DPY19L1: variants seen among roughly 807,000 people sequenced by gnomAD.
The protein encoded by DPY19L1 is protein C-mannosyl-transferase DPY19L1.
A neutral mutation model predicts 96.9 loss-of-function variants in DPY19L1; 35 were observed. The ratio of observed to expected loss-of-function variants is 0.36; its 90% confidence interval spans 0.28 to 0.48. The LOEUF (loss-of-function observed/expected upper bound fraction) is 0.48, where lower values mean the gene tolerates loss of function less well. Ranked by LOEUF, DPY19L1 falls within the 20% of genes least tolerant of loss-of-function variation. The pLI, the probability that DPY19L1 is intolerant of heterozygous loss-of-function variation, is 0.99. For synonymous variants in DPY19L1, 205 were observed against 252.6 expected (o/e 0.81, Z 1.79); for missense variants, 521 against 777.9 (o/e 0.67, Z 3.93).
At chr7:34,987,269 C>T (rs1427796980) in intron 7 of DPY19L1, among the ~76,000 whole-genome samples, 8 of 152,014 alleles carry the variant, frequency 5.3e-5, no homozygotes, top group Non-Finnish European at 1.0e-4. Flanking sequence ...TCAATGAAAA[C>T]ATCTGCATAG....
intron 1 of DPY19L1, among the ~76,000 whole-genome samples, chr7:35,025,687 AGGTCC>A (rs1786103879): frequency 1.3e-5 from 2 of 152,208 alleles, no homozygotes. Flanking sequence ...TATTTACTGA[AGGTCC>A]ACTCATTATA....
chr7:35,032,352 T>G (rs1786279917), intron 1 of DPY19L1, among the ~76,000 whole-genome samples: 2 of 152,226 alleles, frequency 1.3e-5, no homozygotes, highest in South Asian at 4.1e-4. Context: ...TCTTTGTGCC[T>G]CAGATTCCCC....
chr7:34,969,485 T>A lies in DPY19L1; in HGVS notation c.962A>T (p.Asn321Ile). 6.3e-7 allele frequency: 1 copy of A among 1,578,580 alleles called. No homozygotes were observed. The highest frequency in any genetic ancestry group is 8.6e-7 in the Non-Finnish European group (1 of 1,164,032). ...CTGCCAAGGAAGCATGAAAAATACA[T>A]TGGAAATGCAGAGTGCAATCAAGCT... ...RGSLIALCIS[N>I]VFFMLPWQFA... Residue 321 changes from asparagine to isoleucine, a missense_variant, in exon 9 of 22, where the codon AAT becomes ATT. Physicochemically the swap from Asn to Ile is moderately radical, Grantham distance 149 (BLOSUM62 -3). Transcript: ENST00000638088.
chr7:34,936,666 T>C (rs1363193772), intron 21 of DPY19L1, among the ~76,000 whole-genome samples: 1 of 152,230 alleles, frequency 6.6e-6, no homozygotes, highest in Non-Finnish European at 1.5e-5. Context: ...CATATACATA[T>C]TCACAAACGC....
chr7:35,012,916 T>A (rs1278312641), intron 4 of DPY19L1, among the ~76,000 whole-genome samples: 1 of 150,928 alleles, frequency 6.6e-6, no homozygotes, highest in Non-Finnish European at 1.5e-5. Context: ...TGTATATATG[T>A]ATGTGTGTTA....
At position 34,929,896 on chromosome 7, in the gene DPY19L1, T is replaced by C. The variant is rs1413677521; in HGVS notation, c.*1677A>G. Reference sequence around the variant, plus strand: ...CGCTGCCAGAGTCCCTCTCCTGGGCTGCCTCCAGGGAAGGAGCATCCCTGG... The same window carrying C: ...CGCTGCCAGAGTCCCTCTCCTGGGCCGCCTCCAGGGAAGGAGCATCCCTGG... On this transcript the variant is annotated 3_prime_UTR_variant, in exon 22 of 22. Coordinates refer to ENST00000638088, the MANE Select transcript of DPY19L1 (RefSeq NM_001366673.1). 1 of 152,270 alleles carries C rather than the reference T, an allele frequency of 6.6e-6. No homozygotes were observed. Among genetic ancestry groups the C allele is most frequent in the African/African-American group, 2.4e-5 (1 of 41,466 alleles). The allele number at this position is 152,270 out of a possible 1,614,324, so 9.4% of individuals were successfully genotyped here.
At chr7:34,984,170 T>G (rs1003450396) in intron 7 of DPY19L1, among the ~76,000 whole-genome samples, 5 of 152,210 alleles carry the variant, frequency 3.3e-5, no homozygotes, top group African/African-American at 1.2e-4. Flanking sequence ...TTGGCAGATC[T>G]TTATCACAAT....
Position 34,966,448 on chromosome 7 carries a change from T to A in DPY19L1, c.1092+446A>T, listed in dbSNP as rs145384338. ...AAGTAGCTAGTACTACAGGCATGCA[T>A]CACCATGCTAAAATTTTTTATTTTG... On this transcript the variant is annotated intron_variant, in intron 10 of 21. Coordinates refer to ENST00000638088, the MANE Select transcript of DPY19L1 (RefSeq NM_001366673.1). Among the ~76,000 whole-genome samples, 599 of 152,106 alleles carry A rather than the reference T, an allele frequency of 3.9e-3. 4 individuals carry two copies. The highest frequency in any genetic ancestry group is 0.019 in the South Asian group (91 of 4,820).
chr7:35,006,814 T>C (rs1398295736), intron 6 of DPY19L1, among the ~76,000 whole-genome samples: 1 of 152,194 alleles, frequency 6.6e-6, no homozygotes, highest in East Asian at 1.9e-4. Context: ...CGAAATGGAC[T>C]GGCTTACCTG....
intron 6 of DPY19L1, among the ~76,000 whole-genome samples, chr7:35,004,130 C>CA (rs1416690799): frequency 2.0e-5 from 3 of 152,176 alleles, no homozygotes; most frequent in Non-Finnish European, 4.4e-5. Flanking sequence ...TATACCATTA[C>CA]AGTAAATGAT....
intron 4 of DPY19L1, among the ~76,000 whole-genome samples, chr7:35,013,334 GT>G (rs1785760220): frequency 1.3e-5 from 2 of 152,086 alleles, no homozygotes. Flanking sequence ...ACCAAATCTA[GT>G]TTTTATATTT....
chr7:34,971,862 C>A (rs1784730924), intron 8 of DPY19L1, among the ~76,000 whole-genome samples: 2 of 152,158 alleles, frequency 1.3e-5, no homozygotes, highest in Admixed American at 1.3e-4. Flanking sequence ...GTCCTAATCC[C>A]TGGAACCTGT....
chr7:34,955,412 G>A (rs1271184108), intron 11 of DPY19L1, 45 bp from the exon 12 acceptor site: 2 of 1,585,562 alleles, frequency 1.3e-6, no homozygotes, highest in East Asian at 4.5e-5. Context: ...AATACTTATA[G>A]ACATAAATTC....
At chr7:34,997,898 G>A (rs1785329579) in intron 6 of DPY19L1, among the ~76,000 whole-genome samples, 1 of 152,138 alleles carries the variant, frequency 6.6e-6, no homozygotes, top group Non-Finnish European at 1.5e-5. Flanking sequence ...TACTTCATAG[G>A]CAACTTGGTT....
intron 5 of DPY19L1, 117 bp from the exon 6 acceptor site, chr7:35,010,678 G>A (rs1360158607): frequency 2.7e-6 from 2 of 728,496 alleles, no homozygotes; most frequent in Non-Finnish European, 2.3e-6. Flanking sequence ...ATATTAAATA[G>A]CTGCCTTGGT....
intron 18 of DPY19L1, among the ~76,000 whole-genome samples, chr7:34,941,244 C>T (rs1784006962): frequency 6.6e-6 from 1 of 151,974 alleles, no homozygotes; most frequent in Admixed American, 6.6e-5. Context: ...TATGGAGAAG[C>T]ATAAATCTGT....
At chr7:35,026,155 G>A (rs538335875) in intron 1 of DPY19L1, among the ~76,000 whole-genome samples, 1 of 152,214 alleles carries the variant, frequency 6.6e-6, no homozygotes, top group South Asian at 2.1e-4. Flanking sequence ...AATGACTGGG[G>A]CACAATCTAG....
At chr7:34,957,227 A>C (rs1163892461) in intron 11 of DPY19L1, among the ~76,000 whole-genome samples, 2 of 152,126 alleles carry the variant, frequency 1.3e-5, no homozygotes, top group Non-Finnish European at 2.9e-5. Flanking sequence ...TACTAAAAAT[A>C]CAAAACTAGC....
chr7:35,007,059 G>C (rs1785577279), intron 6 of DPY19L1, among the ~76,000 whole-genome samples: 1 of 151,922 alleles, frequency 6.6e-6, no homozygotes, highest in Non-Finnish European at 1.5e-5. Flanking sequence ...AAAATTACAA[G>C]GGTGACTAAC....
Sources: gnomAD v4.1 joint callset for allele counts (sites outside exome capture counted in the v4.1 genomes callset) on GRCh38, gnomAD v4.1.1 for gene constraint, MANE v1.5 for transcripts, NCBI Gene and HGNC (gene_info 2026-07-23, HGNC 2026-07-21) for gene names.